The following STAT3 variants were observed in gnomAD, a reference collection of about 807,000 sequenced individuals.
STAT3 encodes the protein DNA-binding protein APRF.
STAT3 carries 7 observed loss-of-function variants against 114.3 expected under a neutral mutation model. That is an observed-to-expected ratio of 0.06 (90% CI 0.03 to 0.11). The LOEUF is 0.11. Ranked by LOEUF, STAT3 falls within the 10% of genes least tolerant of loss-of-function variation. STAT3 has a pLI of 1.00. For missense variants in STAT3, 364 were observed against 960.9 expected (o/e 0.38, Z 8.21); for synonymous variants, 331 against 354.5 (o/e 0.93, Z 0.74).
chr17:42,342,382 C>G (rs2082479587), intron 4 of STAT3, among the ~76,000 whole-genome samples: 1 of 151,972 alleles, frequency 6.6e-6, no homozygotes, highest in East Asian at 1.9e-4. Context: ...ACTTGGGAAG[C>G]TGAGACATGA....
chr17:42,336,516 T>G (rs566501828), intron 8 of STAT3, among the ~76,000 whole-genome samples: 1 of 152,150 alleles, frequency 6.6e-6, no homozygotes, highest in African/African-American at 2.4e-5. Context: ...GAAGACTGCC[T>G]GAGCCCAGGA....
intron 1 of STAT3, among the ~76,000 whole-genome samples, chr17:42,356,359 G>C (rs546867185): frequency 3.9e-5 from 6 of 152,128 alleles, no homozygotes; most frequent in East Asian, 3.9e-4. Context: ...GGAGGCTGAG[G>C]GGGGAGGATC....
At chr17:42,321,507 A>G (rs2081484110) in intron 21 of STAT3, among the ~76,000 whole-genome samples, 1 of 152,102 alleles carries the variant, frequency 6.6e-6, no homozygotes. Context: ...CACACTCTAA[A>G]TACTAATCCC....
chr17:42,315,851 G>A, intron 23 of STAT3, 51 bp from the exon 24 acceptor site: 1 of 1,613,356 alleles, frequency 6.2e-7, no homozygotes, highest in Non-Finnish European at 8.5e-7. Flanking sequence ...CTCTGCAACT[G>A]GCAGGCCACG....
intron 21 of STAT3, 81 bp from the exon 22 acceptor site, chr17:42,317,305 G>T: frequency 2.0e-6 from 3 of 1,509,186 alleles, no homozygotes; most frequent in Non-Finnish European, 2.7e-6. Context: ...ATCTGCCTCG[G>T]CAGGACTGAT....
intron 14 of STAT3, 131 bp downstream of exon 14, chr17:42,329,279 G>C (rs1340269153): frequency 6.6e-6 from 9 of 1,369,972 alleles, no homozygotes; most frequent in Non-Finnish European, 8.3e-6. Context: ...TTGGCCTGAA[G>C]TGACTTTTTG....
intron 1 of STAT3, among the ~76,000 whole-genome samples, chr17:42,372,325 T>C (rs759942659): frequency 1.4e-4 from 21 of 152,202 alleles, no homozygotes; most frequent in Non-Finnish European, 2.4e-4. Flanking sequence ...AGGTGAATGT[T>C]TGATAAACAA....
At chr17:42,342,991 C>A (rs1275663130) in intron 4 of STAT3, among the ~76,000 whole-genome samples, 1 of 147,872 alleles carries the variant, frequency 6.8e-6, no homozygotes, top group African/African-American at 2.6e-5. Context: ...ATGGCAAGAG[C>A]CCATCTCTAC....
chr17:42,380,226 G>A (rs1040931120), intron 1 of STAT3, among the ~76,000 whole-genome samples: 2 of 151,450 alleles, frequency 1.3e-5, no homozygotes, highest in African/African-American at 2.4e-5. Flanking sequence ...TAGTAGAGAC[G>A]GGGTCTCACT....
chr17:42,366,630 C>T (rs528551227), intron 1 of STAT3, among the ~76,000 whole-genome samples: 2 of 146,616 alleles, frequency 1.4e-5, no homozygotes, highest in East Asian at 4.0e-4. Context: ...GAGATTGCAC[C>T]ACTGCACTCC....
rs374524373 is a variant in STAT3, at chr17:42,337,539, C to A, written c.693G>T (p.Val231=). The change falls in exon 8 of 24, where the codon GTG becomes GTT. Residue 231 remains valine, a synonymous_variant. Transcript: ENST00000264657. The surrounding 1 kb of genome is among the most constrained non-coding windows in gnomAD (Gnocchi z 4.0). ...GCTCCTCGTCCGTGAGAGTTTTCTG[C>A]ACGTACTCCATCGCTGACAAAAGCC... ...LAGLLSAMEY[V]QKTLTDEELA... The A allele has an allele frequency of 3.1e-6, 5 of 1,614,108 alleles. No homozygotes were observed. The African/African-American group carries it at 6.7e-5, about 22-fold the overall frequency.
chr17:42,369,572 T>C (rs1397926068), intron 1 of STAT3, among the ~76,000 whole-genome samples: 1 of 152,186 alleles, frequency 6.6e-6, no homozygotes, highest in African/African-American at 2.4e-5. Flanking sequence ...TGCTTTACCC[T>C]CAAGAAACTT....
chr17:42,371,510 T>TAA (rs768004002), intron 1 of STAT3, among the ~76,000 whole-genome samples: 2 of 129,900 alleles, frequency 1.5e-5, no homozygotes, highest in Non-Finnish European at 3.3e-5. Context: ...CGTCTCTAAT[T>TAA]AAAAAAAAAA....
chr17:42,352,218 A>T (rs1268052941), intron 1 of STAT3, among the ~76,000 whole-genome samples: 4 of 151,938 alleles, frequency 2.6e-5, no homozygotes, highest in African/African-American at 9.7e-5. Flanking sequence ...GGCCGTCTGT[A>T]ATCCCAGCTA....
intron 14 of STAT3, 123 bp downstream of exon 14, chr17:42,329,287 T>C: frequency 2.1e-6 from 3 of 1,456,476 alleles, no homozygotes; most frequent in Non-Finnish European, 1.9e-6. Flanking sequence ...AAGTGACTTT[T>C]TGGAATAACT....
At chr17:42,357,602 G>T (rs535196838) in intron 1 of STAT3, among the ~76,000 whole-genome samples, 13 of 152,208 alleles carry the variant, frequency 8.5e-5, no homozygotes, top group South Asian at 2.1e-4. Context: ...AACCCGCGAG[G>T]CAGAGGTTGC....
rs2081218160 is a variant in STAT3, at chr17:42,315,645, TTAG to T, written c.*97_*99del. The T allele has an allele frequency of 8.0e-7, 1 of 1,250,820 alleles. No individual in the cohort carries two copies. Among genetic ancestry groups the T allele is most frequent in the East Asian group, 2.3e-5 (1 of 43,162 alleles). The allele number at this position is 1,250,820 out of a possible 1,614,324, so 77.5% of individuals were successfully genotyped here. A position where few individuals can be genotyped will look rare whatever the true frequency, so the allele number is the denominator to read the frequency against. The stretch of plus-strand genomic sequence containing the variant: ...TTAAAAAAAATCTGGAACCACAAAG[TTAG>T]TAGTTTCAGATGATCTGGGGTTTGG... On this transcript the variant is annotated 3_prime_UTR_variant, in exon 24 of 24. Coordinates refer to ENST00000264657, the MANE Select transcript of STAT3 (RefSeq NM_139276.3).
At chr17:42,375,055 G>C (rs941672911) in intron 1 of STAT3, among the ~76,000 whole-genome samples, 1 of 152,172 alleles carries the variant, frequency 6.6e-6, no homozygotes, top group African/African-American at 2.4e-5. Flanking sequence ...CCAGCAGTCA[G>C]AAAGTACCTT....
At chr17:42,316,975 AAAC>A in intron 22 of STAT3, 74 bp from the exon 23 acceptor site, 2 of 1,572,692 alleles carry the variant, frequency 1.3e-6, no homozygotes, top group Non-Finnish European at 1.7e-6. Context: ...AAAAAGAACA[AAAC>A]ACACACACAC....
Sources: gnomAD v4.1 joint callset for allele counts (sites outside exome capture counted in the v4.1 genomes callset) on GRCh38, gnomAD v4.1.1 for gene constraint, Gnocchi (gnomAD v3.1) non-coding constraint, MANE v1.5 for transcripts, NCBI Gene and HGNC (gene_info 2026-07-23, HGNC 2026-07-21) for gene names.